The following FRMPD4 variants were observed in gnomAD, a reference collection of about 807,000 sequenced individuals.
The protein encoded by FRMPD4 is FERM and PDZ domain-containing protein 4.
In FRMPD4, 22 loss-of-function variants were observed where a neutral mutation model predicts 94.1. The ratio of observed to expected loss-of-function variants is 0.23; its 90% CI spans 0.17 to 0.33. The LOEUF (loss-of-function observed/expected upper bound fraction) is 0.33, where lower values mean the gene tolerates loss of function less well. Among genes scored for constraint, FRMPD4 ranks in the 10% least tolerant of loss-of-function variants. The probability of loss-of-function intolerance (pLI) is 1.00; values close to 1 mark genes in which losing one functional copy is unlikely to be tolerated. For missense variants in FRMPD4, 1,111 were observed against 1,339.9 expected, an observed-to-expected ratio of 0.83 and a Z score of 2.67; for synonymous variants, 631 against 548.6, an observed-to-expected ratio of 1.15 and a Z score of -2.10.
intron 1 of FRMPD4, among the ~76,000 whole-genome samples, chrX:12,354,072 A>G (rs2055856211): frequency 8.9e-6 from 1 of 112,191 alleles, no homozygotes; most frequent in Non-Finnish European, 1.9e-5. Flanking sequence ...ACCTACTAAA[A>G]TGTTTAAATG....
At chrX:12,601,230 C>T (rs1019755671) in intron 2 of FRMPD4, among the ~76,000 whole-genome samples, 2 of 111,967 alleles carry the variant, frequency 1.8e-5, no homozygotes, top group African/African-American at 6.5e-5. Flanking sequence ...CTGACAGTGG[C>T]CTGTGGAATT....
intron 1 of FRMPD4, among the ~76,000 whole-genome samples, chrX:12,422,421 A>C (rs2056895392): frequency 8.9e-6 from 1 of 112,549 alleles, no homozygotes; most frequent in Non-Finnish European, 1.9e-5. Flanking sequence ...GAACATAGGT[A>C]TTATTTCAAA....
intron 1 of FRMPD4, among the ~76,000 whole-genome samples, chrX:12,415,964 T>C (rs1480948245): frequency 8.9e-6 from 1 of 112,698 alleles, no homozygotes; most frequent in East Asian, 2.8e-4. Context: ...CATGACAATA[T>C]GAGACCTTTG....
rs2055748181 is a variant in FRMPD4 at position 12,145,267 on chromosome X, C to T, written c.41+6255C>T. ...GGTCAGAGACTGGTGTGGGGGAGAACACGCGGCCATCTGGCTGATTCAAGG... is the reference window on the plus strand; with the variant it reads ...GGTCAGAGACTGGTGTGGGGGAGAATACGCGGCCATCTGGCTGATTCAAGG... On this transcript the variant is annotated intron_variant, in intron 1 of 16. Transcript: ENST00000675598. Among the ~76,000 whole-genome samples, 3 of 112,155 alleles carry T rather than the reference C, an allele frequency of 2.7e-5. No individual in the cohort carries two copies. The Admixed American group carries it at 2.8e-4, about 11-fold the overall frequency.
intron 1 of FRMPD4, among the ~76,000 whole-genome samples, chrX:12,450,907 A>C (rs997173053): frequency 1.9e-5 from 2 of 106,553 alleles, no homozygotes; most frequent in African/African-American, 6.8e-5. Flanking sequence ...AGACTGAGAG[A>C]CATAAACTAG....
chrX:11,840,671 A>G (rs908602653), intron 1 of FRMPD4, among the ~76,000 whole-genome samples: 17 of 109,775 alleles, frequency 1.5e-4, no homozygotes, highest in Admixed American at 9.7e-4. Context: ...GATGGTAGCT[A>G]TAAGTGATTT....
intron 4 of FRMPD4, among the ~76,000 whole-genome samples, chrX:12,638,066 G>C (rs1029074326): frequency 3.6e-5 from 4 of 111,152 alleles, no homozygotes; most frequent in Non-Finnish European, 7.5e-5. Flanking sequence ...ATTGTTTAAC[G>C]TGAGCACATA....
At chrX:12,698,433 A>G (rs1256800649) in intron 9 of FRMPD4, among the ~76,000 whole-genome samples, 2 of 111,322 alleles carry the variant, frequency 1.8e-5, no homozygotes, top group African/African-American at 6.5e-5. Context: ...GTTTTCAAAT[A>G]CTATAGTACT....
chrX:11,843,100 T>G (rs189271692), intron 1 of FRMPD4, among the ~76,000 whole-genome samples: 43 of 112,232 alleles, frequency 3.8e-4, no homozygotes, highest in African/African-American at 1.2e-3. Context: ...GTGCATGAAA[T>G]TAGTTGATTT....
chrX:12,336,446 C>G (rs2055524677), intron 1 of FRMPD4, among the ~76,000 whole-genome samples: 1 of 111,627 alleles, frequency 9.0e-6, no homozygotes, highest in African/African-American at 3.3e-5. Flanking sequence ...ATTCAGAGAG[C>G]TGAATGTTGC....
chrX:12,080,886 A>G (rs2055056794), intron 3 of FRMPD4, among the ~76,000 whole-genome samples: 1 of 112,146 alleles, frequency 8.9e-6, no homozygotes, highest in African/African-American at 3.2e-5. Flanking sequence ...TAAAGGCATC[A>G]ATATTGTATT....
intron 3 of FRMPD4, among the ~76,000 whole-genome samples, chrX:12,007,322 C>T (rs2054558894): frequency 8.9e-6 from 1 of 112,263 alleles, no homozygotes. Context: ...CTGAAGGTGG[C>T]CCTGTTCACC....
chrX:12,369,720 AAAG>A (rs2056136139), intron 1 of FRMPD4, among the ~76,000 whole-genome samples: 1 of 111,720 alleles, frequency 9.0e-6, no homozygotes, highest in African/African-American at 3.3e-5. Flanking sequence ...CTGCTGTTAT[AAAG>A]AAGGGTCCTG....
At chrX:12,471,641 T>C (rs1319982) in intron 1 of FRMPD4, among the ~76,000 whole-genome samples, 54,792 of 110,657 alleles carry the variant, frequency 0.5, 10,109 homozygotes, top group South Asian at 0.7. Flanking sequence ...ATTTGCCTTG[T>C]TGGTATTCTG....
intron 1 of FRMPD4, among the ~76,000 whole-genome samples, chrX:11,850,797 T>C (rs1389769079): frequency 8.9e-6 from 1 of 111,839 alleles, no homozygotes; most frequent in Non-Finnish European, 1.9e-5. Context: ...TGCCAAGTGC[T>C]GGGGAAAACA....
chrX:12,472,372 C>A (rs748399661), intron 1 of FRMPD4, among the ~76,000 whole-genome samples: 5 of 112,171 alleles, frequency 4.5e-5, no homozygotes, highest in Non-Finnish European at 1.9e-5. Context: ...TCTCCCCAAA[C>A]GTAATGATTA....
At chrX:12,307,929 G>C (rs1011149036) in intron 1 of FRMPD4, among the ~76,000 whole-genome samples, 13 of 111,434 alleles carry the variant, frequency 1.2e-4, no homozygotes, top group African/African-American at 4.2e-4. Flanking sequence ...GAGATGACAA[G>C]TGCAGGTAAA....
At chrX:12,720,123 A>G (rs1437099550) in intron 16 of FRMPD4, among the ~76,000 whole-genome samples, 3 of 111,859 alleles carry the variant, frequency 2.7e-5, no homozygotes, top group African/African-American at 9.8e-5. Context: ...AAAGAAAAGA[A>G]AAGTAACAAT....
intron 3 of FRMPD4, among the ~76,000 whole-genome samples, chrX:11,927,784 G>C (rs1473133394): frequency 1.8e-5 from 2 of 111,867 alleles, no homozygotes; most frequent in Non-Finnish European, 3.8e-5. Flanking sequence ...AATCCCAAAA[G>C]TATAAAAACC....
Sources: allele counts gnomAD v4.1 joint callset (sites outside exome capture counted in the v4.1 genomes callset), GRCh38; gene constraint gnomAD v4.1.1; transcripts MANE v1.5; gene names NCBI Gene and HGNC (gene_info 2026-07-23, HGNC 2026-07-21).